The following TRIM62 variants were observed in gnomAD, a reference collection of about 807,000 sequenced individuals.
TRIM62 encodes E3 ubiquitin-protein ligase TRIM62.
A neutral mutation model predicts 44.2 loss-of-function variants in TRIM62; 39 were observed. The observed-to-expected ratio is 0.88, with a 90% CI of 0.68 to 1.15. The LOEUF (loss-of-function observed/expected upper bound fraction) is 1.15. Among genes scored for constraint, TRIM62 ranks in the 50% most tolerant of loss-of-function variants. The probability of loss-of-function intolerance (pLI) is 0.00; values close to 1 mark genes in which losing one functional copy is unlikely to be tolerated. For missense variants in TRIM62, 544 were observed against 665.5 expected, an observed-to-expected ratio of 0.82 and a Z score of 2.01; for synonymous variants, 278 against 292.3, an observed-to-expected ratio of 0.95 and a Z score of 0.50.
At chr1:33,172,143 G>A (rs983414126) in intron 1 of TRIM62, among the ~76,000 whole-genome samples, 1 of 152,212 alleles carries the variant, frequency 6.6e-6, no homozygotes, top group African/African-American at 2.4e-5. Flanking sequence ...GGAATGAAAT[G>A]ACTTAATTCA....
rs528573076 is a variant in TRIM62, at chr1:33,157,850, G to C, written c.877+403C>G. On this transcript the variant is annotated intron_variant, in intron 4 of 4. Transcript: ENST00000291416. ...CAGCTCACTGCAACCTCTGCCTCCT[G>C]GGTTCAAGCAATTCTCCTGCCTCAG... Among the ~76,000 whole-genome samples, 6 of 151,968 alleles carry C rather than the reference G, an allele frequency of 3.9e-5. No homozygotes were observed. In the South Asian group the frequency reaches 1.2e-3, roughly 32 times the overall value.
At chr1:33,172,695 A>G (rs1645383870) in intron 1 of TRIM62, among the ~76,000 whole-genome samples, 1 of 152,110 alleles carries the variant, frequency 6.6e-6, no homozygotes, top group African/African-American at 2.4e-5. Context: ...AGAAGCCAGG[A>G]CTGGGGCAAC....
At chr1:33,162,237 C>T (rs892465885) in intron 2 of TRIM62, among the ~76,000 whole-genome samples, 11 of 152,168 alleles carry the variant, frequency 7.2e-5, no homozygotes, top group African/African-American at 2.7e-4. Context: ...ATTCAAGGAC[C>T]TTCTCAATTT....
chr1:33,160,032 A>G (rs1464414603), intron 2 of TRIM62, 88 bp from the exon 3 acceptor site: 4 of 1,531,456 alleles, frequency 2.6e-6, no homozygotes, highest in Non-Finnish European at 2.6e-6. Flanking sequence ...GCCTTGACAC[A>G]CAGAGAGGAA....
At chr1:33,156,395 A>T (rs1219509496) in intron 4 of TRIM62, among the ~76,000 whole-genome samples, 1 of 152,150 alleles carries the variant, frequency 6.6e-6, no homozygotes, top group East Asian at 1.9e-4. Context: ...CCTGTTGCTA[A>T]ATCTGGAGAA....
At chr1:33,158,127 A>G in intron 4 of TRIM62, 126 bp downstream of exon 4, 1 of 775,410 alleles carries the variant, frequency 1.3e-6, no homozygotes, top group Non-Finnish European at 2.2e-6. Context: ...CCTGGAACAC[A>G]CTAGGTGCTC....
chr1:33,147,062 C>T lies in TRIM62; in HGVS notation c.*115G>A. The T allele has an allele frequency of 8.8e-7, 1 of 1,130,260 alleles. No individual in the cohort carries two copies. The highest frequency in any genetic ancestry group is 1.5e-5 in the South Asian group (1 of 65,632). 70.0% of individuals were successfully genotyped at this position (1,130,260 alleles called of 1,614,324 possible). A position where few individuals can be genotyped will look rare whatever the true frequency, so the allele number is the denominator to read the frequency against. On this transcript the variant is annotated 3_prime_UTR_variant, in exon 5 of 5. Coordinates refer to ENST00000291416, the MANE Select transcript of TRIM62 (RefSeq NM_018207.3). This position sits in a 1 kb window ranked among gnomAD's most constrained non-coding sequence, Gnocchi z 8.1. ...AGACTGGAGGCTGGAGGGTAAACAA[C>T]TGGCCTGAGGTCTCCAGTGGCCACG...
intron 4 of TRIM62, among the ~76,000 whole-genome samples, chr1:33,149,758 A>G (rs1004887641): frequency 6.6e-6 from 1 of 152,080 alleles, no homozygotes; most frequent in Non-Finnish European, 1.5e-5. Context: ...CCTGGCCTGA[A>G]ATTCTTTAGC....
At position 33,147,708 on chromosome 1, in the gene TRIM62, C is replaced by G; in HGVS notation, c.897G>C (p.Leu299=). 9.3e-6 allele frequency: 15 copies of G among 1,612,540 alleles called. No individual in the cohort carries two copies. The highest frequency in any genetic ancestry group is 1.3e-5 in the Non-Finnish European group (15 of 1,179,200). ...DIHPVPAALT[L]DPGTAHQRLI... Reference sequence around the variant, plus strand: ...GGCGCTGGTGGGCTGTGCCCGGGTCCAGGGTTAGGGCGGCTGGCACTGTGG... The same window carrying G: ...GGCGCTGGTGGGCTGTGCCCGGGTCGAGGGTTAGGGCGGCTGGCACTGTGG... The change falls in exon 5 of 5, where the codon CTG becomes CTC. Residue 299 remains leucine (L), a synonymous_variant. Transcript: ENST00000291416. This position sits in a 1 kb window ranked among gnomAD's most constrained non-coding sequence, Gnocchi z 8.1.
At chr1:33,175,321 C>T (rs1256238875) in intron 1 of TRIM62, among the ~76,000 whole-genome samples, 1 of 151,894 alleles carries the variant, frequency 6.6e-6, no homozygotes, top group South Asian at 2.1e-4. Flanking sequence ...GGATTACAGG[C>T]GTGGGCCACT....
rs545124337 is a variant in TRIM62, at chr1:33,159,569, A to C, written c.761+119T>G. 800 of 1,383,082 alleles carry C rather than the reference A, an allele frequency of 5.8e-4. 14 individuals carry two copies. In the South Asian group the frequency reaches 0.011, roughly 19 times the overall value. The allele number at this position is 1,383,082 out of a possible 1,614,324, so 85.7% of individuals were successfully genotyped here. A position where few individuals can be genotyped will look rare whatever the true frequency, so the allele number is the denominator to read the frequency against. ...ATAGCAGATGTCCCGTAAATGTTTG[A>C]TGAAGATTTGAATGAAAGAATTCTC... On this transcript the variant is annotated intron_variant, in intron 3 of 4. Coordinates refer to ENST00000291416, the MANE Select transcript of TRIM62 (RefSeq NM_018207.3). The surrounding 1 kb of genome is among the most constrained non-coding windows in gnomAD (Gnocchi z 4.2).
In TRIM62 at chr1:33,181,013, C is replaced by G. The variant is rs3737991; in HGVS notation, c.408+12G>C. 5.4e-5 allele frequency: 80 copies of G among 1,480,936 alleles called. No homozygotes were observed. In the East Asian group the frequency reaches 1.9e-3, roughly 35 times the overall value. 91.7% of individuals were successfully genotyped at this position (1,480,936 alleles called of 1,614,324 possible). A position where few individuals can be genotyped will look rare whatever the true frequency, so the allele number is the denominator to read the frequency against. On this transcript the variant is annotated intron_variant, in intron 1 of 4. Transcript: ENST00000291416. This position sits in a 1 kb window ranked among gnomAD's most constrained non-coding sequence, Gnocchi z 6.5. Reference sequence around the variant, plus strand: ...GGCCCCGCCCCTTCCCCAGGCAGGCCGGGTAGCGCACCTGCAGCTCGTCGA... The same window carrying G: ...GGCCCCGCCCCTTCCCCAGGCAGGCGGGGTAGCGCACCTGCAGCTCGTCGA...
rs200701939 is a variant in TRIM62 at position 33,177,052 on chromosome 1, C to T, written c.408+3973G>A. On this transcript the variant is annotated intron_variant, in intron 1 of 4. Coordinates refer to ENST00000291416, the MANE Select transcript of TRIM62 (RefSeq NM_018207.3). This position sits in a 1 kb window ranked among gnomAD's most constrained non-coding sequence, Gnocchi z 4.1. ...ACACATACACATGCACACACACACG[C>T]ACACACACACACATGCACACACACA... is the stretch of plus-strand genomic sequence containing the variant. Among the ~76,000 whole-genome samples the T allele has an allele frequency of 4.4e-5, 3 of 68,584 alleles. No individual in the cohort carries two copies. Among genetic ancestry groups the T allele is most frequent in the Non-Finnish European group, 9.1e-5 (3 of 33,136 alleles). 45.0% of individuals were successfully genotyped at this position (68,584 alleles called of 152,430 possible).
At chr1:33,173,674 CT>C (rs1476809390) in intron 1 of TRIM62, among the ~76,000 whole-genome samples, 1 of 39,116 alleles carries the variant, frequency 2.6e-5, no homozygotes, top group African/African-American at 9.2e-5. Flanking sequence ...AGCACAGTTT[CT>C]TTCTTTTTTT....
At chr1:33,158,718 T>C (rs893145481) in intron 3 of TRIM62, among the ~76,000 whole-genome samples, 5 of 152,190 alleles carry the variant, frequency 3.3e-5, no homozygotes, top group Admixed American at 2.6e-4. Context: ...TGACTAAGTG[T>C]TATTACTACT....
At chr1:33,163,085 C>T (rs1245971020) in intron 2 of TRIM62, 2 of 152,054 alleles carry the variant, frequency 1.3e-5, no homozygotes, top group Non-Finnish European at 2.9e-5. Flanking sequence ...GTTGCCCAGG[C>T]TGGGGTGCAG....
intron 1 of TRIM62, among the ~76,000 whole-genome samples, chr1:33,180,120 T>G (rs1645449442): frequency 1.3e-5 from 2 of 152,138 alleles, no homozygotes; most frequent in Admixed American, 1.3e-4. Context: ...GGGAGACCGA[T>G]TAGAGTTCTA....
intron 2 of TRIM62, chr1:33,163,004 T>A (rs969162348): frequency 6.6e-6 from 1 of 152,134 alleles, no homozygotes; most frequent in Admixed American, 6.6e-5. Context: ...TGGGACGATT[T>A]TTTTTCTTTC....
chr1:33,154,671 G>A (rs1397755933), intron 4 of TRIM62, among the ~76,000 whole-genome samples: 1 of 151,530 alleles, frequency 6.6e-6, no homozygotes, highest in Non-Finnish European at 1.5e-5. Context: ...AGTGGCGTGT[G>A]CCTGTAATCC....
Sources: allele counts gnomAD v4.1 joint callset (sites outside exome capture counted in the v4.1 genomes callset), GRCh38; gene constraint gnomAD v4.1.1; non-coding constraint Gnocchi (gnomAD v3.1); transcripts MANE v1.5; gene names NCBI Gene and HGNC (gene_info 2026-07-23, HGNC 2026-07-21).